CNTLN: variants seen among roughly 807,000 people sequenced by gnomAD.
The protein encoded by CNTLN is centlein, also known as centlein, centrosomal protein.
Under a neutral mutation model 180.0 loss-of-function variants are expected in CNTLN, and 212 were observed. The ratio of observed to expected loss-of-function variants is 1.18; its 90% CI spans 1.05 to 1.32. CNTLN has a LOEUF of 1.32. Among genes scored for constraint, CNTLN ranks in the 40% most tolerant of loss-of-function variants. The pLI, the probability that CNTLN is intolerant of heterozygous loss-of-function variation, is 0.00. For synonymous variants in CNTLN, 722 were observed against 563.1 expected, an observed-to-expected ratio of 1.28 and a Z score of -3.99; for missense variants, 2,095 against 1,610.9, an observed-to-expected ratio of 1.30 and a Z score of -5.14.
intron 8 of CNTLN, among the ~76,000 whole-genome samples, chr9:17,313,728 T>C (rs1353232995): frequency 6.6e-6 from 1 of 152,250 alleles, no homozygotes; most frequent in African/African-American, 2.4e-5. Context: ...CTTTCTTTTC[T>C]CCTTTTGAGA....
At chr9:17,180,905 A>G (rs1276929585) in intron 2 of CNTLN, among the ~76,000 whole-genome samples, 1 of 152,166 alleles carries the variant, frequency 6.6e-6, no homozygotes. Context: ...GTTTCCAGCA[A>G]GAAATCTGCT....
chr9:17,409,238 G>C, intron 15 of CNTLN, 55 bp from the exon 16 acceptor site: 1 of 1,516,960 alleles, frequency 6.6e-7, no homozygotes, highest in Admixed American at 1.9e-5. Context: ...CTTAAGACAA[G>C]TACATGTAAC....
chr9:17,225,351 G>T (rs1824398808), intron 2 of CNTLN, among the ~76,000 whole-genome samples: 1 of 151,782 alleles, frequency 6.6e-6, no homozygotes, highest in South Asian at 2.1e-4. Flanking sequence ...TGGCTCTGGG[G>T]GACAGCAAAT....
At chr9:17,467,258 TAA>T (rs1831805440) in intron 23 of CNTLN, among the ~76,000 whole-genome samples, 1 of 151,464 alleles carries the variant, frequency 6.6e-6, no homozygotes, top group African/African-American at 2.4e-5. Context: ...TCAGTGATGC[TAA>T]GAGACATCTG....
chr9:17,197,682 G>T (rs1014569717), intron 2 of CNTLN, among the ~76,000 whole-genome samples: 1 of 152,088 alleles, frequency 6.6e-6, no homozygotes, highest in Non-Finnish European at 1.5e-5. Context: ...CTATTCTGTG[G>T]CGTGTCTGCT....
intron 18 of CNTLN, among the ~76,000 whole-genome samples, chr9:17,438,445 G>A (rs1052264443): frequency 1.2e-4 from 19 of 152,152 alleles, no homozygotes; most frequent in African/African-American, 4.3e-4. Flanking sequence ...TATTTTTCAG[G>A]TTTTTAACAA....
the CNTLN span, among the ~76,000 whole-genome samples, chr9:17,522,384 C>T: frequency 1.3e-5 from 2 of 152,130 alleles, no homozygotes; most frequent in Non-Finnish European, 2.9e-5. Flanking sequence ...CCCAAGATTC[C>T]ACAGCAAATA....
intron 15 of CNTLN, among the ~76,000 whole-genome samples, chr9:17,408,374 T>C (rs1312181259): frequency 6.6e-6 from 1 of 152,128 alleles, no homozygotes; most frequent in Non-Finnish European, 1.5e-5. Context: ...AACACATCAC[T>C]ATTGACATAG....
chr9:17,266,984 C>G (rs1827510808), intron 5 of CNTLN, among the ~76,000 whole-genome samples: 1 of 152,128 alleles, frequency 6.6e-6, no homozygotes, highest in African/African-American at 2.4e-5. Context: ...GGTCTTGACT[C>G]TTTATCCAAT....
intron 8 of CNTLN, among the ~76,000 whole-genome samples, chr9:17,318,122 G>C (rs1819653381): frequency 1.3e-5 from 2 of 151,270 alleles, no homozygotes; most frequent in Admixed American, 1.3e-4. Context: ...CCGCCTCCCA[G>C]GTTCACGCTA....
At chr9:17,278,939 G>A (rs72702005) in intron 6 of CNTLN, among the ~76,000 whole-genome samples, 3,548 of 151,732 alleles carry the variant, frequency 0.023, 55 homozygotes, top group Non-Finnish European at 0.032. Context: ...AATAATTTTA[G>A]GTTTTTTTTT....
intron 15 of CNTLN, among the ~76,000 whole-genome samples, chr9:17,406,741 C>T (rs903851667): frequency 2.0e-5 from 3 of 151,734 alleles, no homozygotes; most frequent in Non-Finnish European, 4.4e-5. Context: ...AATTCTTTCA[C>T]ATGCATAGGG....
intron 8 of CNTLN, among the ~76,000 whole-genome samples, chr9:17,313,729 C>T (rs766218732): frequency 2.2e-4 from 34 of 152,128 alleles, no homozygotes; most frequent in Admixed American, 1.3e-4. Flanking sequence ...TTTCTTTTCT[C>T]CTTTTGAGAT....
At chr9:17,277,934 A>G (rs1828417864) in intron 6 of CNTLN, among the ~76,000 whole-genome samples, 1 of 152,164 alleles carries the variant, frequency 6.6e-6, no homozygotes, top group Admixed American at 6.6e-5. Flanking sequence ...AATAGATATT[A>G]GATTCAGAAA....
intron 5 of CNTLN, among the ~76,000 whole-genome samples, chr9:17,253,761 G>GTTTTTTTTTTT (rs60517986): frequency 7.0e-6 from 1 of 142,690 alleles, no homozygotes; most frequent in Non-Finnish European, 1.5e-5. Context: ...CTTTTCTATT[G>GTTTTTTTTTTT]TTTTTTTTTT....
chr9:17,388,885 TATAA>T (rs1825887673), intron 14 of CNTLN, among the ~76,000 whole-genome samples: 1 of 151,960 alleles, frequency 6.6e-6, no homozygotes, highest in Non-Finnish European at 1.5e-5. Context: ...TTTGCATTTT[TATAA>T]ATAAATACAT....
chr9:17,457,507 C>CT lies in CNTLN; in HGVS notation c.3115-10dup, dbSNP rs770937509. 1.9e-5 allele frequency: 24 copies of CT among 1,247,836 alleles called. No homozygotes were observed. In the South Asian group the frequency reaches 2.2e-4, roughly 12 times the overall value. 77.3% of individuals were successfully genotyped at this position (1,247,836 alleles called of 1,614,324 possible). A position where few individuals can be genotyped will look rare whatever the true frequency, so the allele number is the denominator to read the frequency against. ...TTTAAAATATATTTATATTTATTTT[C>CT]TTTTTTTAAAAAAAAGAAGCTAAAT... On this transcript the variant is annotated splice_polypyrimidine_tract_variant and intron_variant, in intron 18 of 25. Coordinates refer to ENST00000380647, the MANE Select transcript of CNTLN (RefSeq NM_017738.4).
chr9:17,153,005 G>C (rs938157827), intron 2 of CNTLN, among the ~76,000 whole-genome samples: 5 of 151,880 alleles, frequency 3.3e-5, no homozygotes, highest in African/African-American at 1.2e-4. Flanking sequence ...CTTTCCATTT[G>C]CTTGGTAAAT....
At chr9:17,214,928 A>G (rs113820440) in intron 2 of CNTLN, among the ~76,000 whole-genome samples, 3,955 of 152,190 alleles carry the variant, frequency 0.026, 174 homozygotes, top group African/African-American at 0.089. Context: ...ACTTCTGTAC[A>G]CTGGTTATTC....
Sources: gnomAD v4.1 joint callset for allele counts (sites outside exome capture counted in the v4.1 genomes callset) on GRCh38, gnomAD v4.1.1 for gene constraint, MANE v1.5 for transcripts, NCBI Gene and HGNC (gene_info 2026-07-23, HGNC 2026-07-21) for gene names.